The following UBE3D variants were observed in gnomAD, a reference collection of about 807,000 sequenced individuals.
The protein encoded by UBE3D is ubiquitin protein ligase E3D, also known as E3 ubiquitin-protein ligase E3D.
Under a neutral mutation model 49.6 loss-of-function variants are expected in UBE3D, and 48 were observed. That is an observed-to-expected ratio of 0.97 (90% confidence interval 0.77 to 1.23). The LOEUF is 1.23. Among genes scored for constraint, UBE3D ranks in the 50% most tolerant of loss-of-function variants. UBE3D has a pLI of 0.00. For missense variants in UBE3D, 452 were observed against 468.4 expected, an observed-to-expected ratio of 0.96 and a Z score of 0.32; for synonymous variants, 189 against 174.2, an observed-to-expected ratio of 1.08 and a Z score of -0.67.
At chr6:82,886,147 A>G in the UBE3D span, among the ~76,000 whole-genome samples, 1 of 152,190 alleles carries the variant, frequency 6.6e-6, no homozygotes, top group Non-Finnish European at 1.5e-5. Context: ...TAAGGAATAC[A>G]ACCACTGTGG....
At chr6:82,934,247 C>T (rs542400350) in intron 9 of UBE3D, among the ~76,000 whole-genome samples, 5 of 152,302 alleles carry the variant, frequency 3.3e-5, no homozygotes, top group Admixed American at 2.6e-4. Context: ...TCCCCAGCCA[C>T]GTGGAACTGT....
At chr6:82,895,230 G>T (rs1771230185) in intron 9 of UBE3D, among the ~76,000 whole-genome samples, 1 of 152,138 alleles carries the variant, frequency 6.6e-6, no homozygotes, top group African/African-American at 2.4e-5. Flanking sequence ...AGAATCACTT[G>T]AACCCATATG....
chr6:83,029,039 A>T (rs2127786191), intron 5 of UBE3D, among the ~76,000 whole-genome samples: 2 of 152,192 alleles, frequency 1.3e-5, no homozygotes, highest in East Asian at 3.9e-4. Context: ...TACTTTAAAG[A>T]TTCTCTCTTA....
At position 83,048,865 on chromosome 6, in the gene UBE3D, A is replaced by T. The variant is rs151044285; in HGVS notation, c.366-4206T>A. 9.8e-3 allele frequency among the ~76,000 whole-genome samples: 1,496 copies of T among 152,328 alleles called. 28 individuals are homozygous for T. Among genetic ancestry groups the T allele is most frequent in the African/African-American group, 0.034 (1,420 of 41,570 alleles). On this transcript the variant is annotated intron_variant, in intron 3 of 9. Coordinates refer to ENST00000369747, the MANE Select transcript of UBE3D (RefSeq NM_198920.3). ...TTGATATGATCTACTTCCCAAGAGA[A>T]CTTTCAAAATAAAATACATACCATT...
intron 8 of UBE3D, among the ~76,000 whole-genome samples, chr6:82,978,632 T>C (rs1011771648): frequency 2.0e-5 from 3 of 152,212 alleles, no homozygotes; most frequent in Non-Finnish European, 4.4e-5. Context: ...AAGTTATTGT[T>C]AAAATTCATA....
intron 9 of UBE3D, among the ~76,000 whole-genome samples, chr6:82,898,514 C>A (rs1771498840): frequency 6.6e-6 from 1 of 152,168 alleles, no homozygotes; most frequent in Admixed American, 6.5e-5. Context: ...AGGGTGAGTT[C>A]ATGTCCTTTG....
At chr6:82,935,995 G>T (rs1774542340) in intron 9 of UBE3D, among the ~76,000 whole-genome samples, 1 of 151,794 alleles carries the variant, frequency 6.6e-6, no homozygotes, top group African/African-American at 2.4e-5. Context: ...ATGGATTTTT[G>T]TGTTTTTAAG....
intron 1 of UBE3D, among the ~76,000 whole-genome samples, chr6:83,062,461 G>A (rs536894845): frequency 9.2e-5 from 14 of 152,096 alleles, no homozygotes; most frequent in Non-Finnish European, 1.6e-4. Flanking sequence ...CAGGAACCAC[G>A]CACCTCCCAC....
At chr6:83,018,879 G>T in intron 8 of UBE3D, 94 bp downstream of exon 8, 1 of 1,419,776 alleles carries the variant, frequency 7.0e-7, no homozygotes, top group Non-Finnish European at 9.7e-7. Flanking sequence ...TAGGGAAATG[G>T]TATAGTGGCA....
chr6:83,001,134 G>A (rs533021798), intron 8 of UBE3D, among the ~76,000 whole-genome samples: 1 of 152,270 alleles, frequency 6.6e-6, no homozygotes, highest in South Asian at 2.1e-4. Flanking sequence ...GTGAGCCACT[G>A]AGCCCGGCCC....
intron 7 of UBE3D, among the ~76,000 whole-genome samples, chr6:83,020,345 T>TTTTTTTGTTTTG (rs1050382872): frequency 1.4e-5 from 2 of 140,520 alleles, no homozygotes; most frequent in African/African-American, 3.0e-5. Context: ...GATACTGTTT[T>TTTTTTTGTTTTG]TTTTTTTTTT....
intron 9 of UBE3D, among the ~76,000 whole-genome samples, chr6:82,911,003 T>C (rs913483578): frequency 1.3e-5 from 2 of 152,100 alleles, no homozygotes; most frequent in African/African-American, 4.8e-5. Context: ...AGAGTGATGA[T>C]GCATTCTTAG....
At chr6:82,912,413 C>T (rs1326975392) in intron 9 of UBE3D, among the ~76,000 whole-genome samples, 1 of 151,674 alleles carries the variant, frequency 6.6e-6, no homozygotes, top group East Asian at 1.9e-4. Context: ...AGACAATCTT[C>T]TTTCTTTGAG....
intron 9 of UBE3D, among the ~76,000 whole-genome samples, chr6:82,954,716 C>T (rs1051668904): frequency 3.9e-5 from 6 of 152,230 alleles, no homozygotes; most frequent in East Asian, 1.9e-4. Flanking sequence ...AAATTAGAAG[C>T]GCCATTCCTC....
At chr6:82,945,078 C>T (rs1261198737) in intron 9 of UBE3D, among the ~76,000 whole-genome samples, 2 of 152,248 alleles carry the variant, frequency 1.3e-5, no homozygotes, top group East Asian at 1.9e-4. Flanking sequence ...GCTGGCTTTA[C>T]CAACTGCTGA....
chr6:83,041,216 T>A (rs951588106), intron 4 of UBE3D, among the ~76,000 whole-genome samples: 6 of 152,184 alleles, frequency 3.9e-5, no homozygotes, highest in Non-Finnish European at 7.3e-5. Context: ...GATATGTACT[T>A]CCTTTGTAAC....
At chr6:82,996,142 A>C (rs1310482146) in intron 8 of UBE3D, among the ~76,000 whole-genome samples, 1 of 152,048 alleles carries the variant, frequency 6.6e-6, no homozygotes, top group Admixed American at 6.6e-5. Flanking sequence ...TTTATGGCTG[A>C]TTCTAGGGCT....
chr6:82,978,873 A>G (rs1399420312), intron 8 of UBE3D, among the ~76,000 whole-genome samples: 2 of 152,088 alleles, frequency 1.3e-5, no homozygotes, highest in African/African-American at 4.8e-5. Context: ...TAGGTGATCT[A>G]TTTTCCCTTT....
chr6:82,887,320 C>CAAAAA, the UBE3D span, among the ~76,000 whole-genome samples: 1 of 66,952 alleles, frequency 1.5e-5, no homozygotes, highest in Non-Finnish European at 3.0e-5. Context: ...AAGACTGTCT[C>CAAAAA]AAAAAAAAAA....
Sources: gnomAD v4.1 joint callset for allele counts (sites outside exome capture counted in the v4.1 genomes callset) on GRCh38, gnomAD v4.1.1 for gene constraint, MANE v1.5 for transcripts, NCBI Gene and HGNC (gene_info 2026-07-23, HGNC 2026-07-21) for gene names.